Variants in SEMA4G observed in about 807,000 individuals in gnomAD.
The protein encoded by SEMA4G is semaphorin 4G.
In SEMA4G, 59 loss-of-function variants were observed where a neutral mutation model predicts 81.2. The ratio of observed to expected loss-of-function variants is 0.73; its 90% CI spans 0.59 to 0.90. SEMA4G has a LOEUF of 0.90. Ranked by LOEUF, SEMA4G falls within the 40% of genes least tolerant of loss-of-function variation. The pLI, the probability that SEMA4G is intolerant of heterozygous loss-of-function variation, is 0.00. For missense variants in SEMA4G, 952 were observed against 1,102.3 expected (o/e 0.86, Z 1.93); for synonymous variants, 404 against 433.9 (o/e 0.93, Z 0.86).
intron 8 of SEMA4G, 162 bp downstream of exon 9, chr10:100,979,433 A>C: frequency 2.0e-6 from 3 of 1,537,788 alleles, no homozygotes; most frequent in Admixed American, 3.9e-5. Context: ...GCCAGGCTGG[A>C]GTGCAGTGGC....
At chr10:100,979,791 TG>T in intron 8 of SEMA4G, 56 bp from the exon 10 acceptor site, 1 of 1,597,692 alleles carries the variant, frequency 6.3e-7, no homozygotes, top group East Asian at 2.2e-5. Context: ...GAGCACGAGT[TG>T]GGGGGCAGGC....
In SEMA4G at chr10:100,980,006, C is replaced by T. The variant is rs770589865; in HGVS notation, c.1128+14C>T. The T allele has an allele frequency of 1.2e-6, 2 of 1,613,892 alleles. No individual in the cohort carries two copies. The highest frequency in any genetic ancestry group is 8.5e-7 in the Non-Finnish European group (1 of 1,179,964). On this transcript the variant is annotated intron_variant, in intron 9 of 13. Coordinates refer to ENST00000370250, the Ensembl canonical transcript of SEMA4G. ...CGGCCTGGCTCGGTGAGTGCCCAGGCCTGGGGCCAGTGCTGAGTAGACAGA... is the reference window on the plus strand; with the variant it reads ...CGGCCTGGCTCGGTGAGTGCCCAGGTCTGGGGCCAGTGCTGAGTAGACAGA...
At chr10:100,969,789 C>A (rs1354572986), upstream of SEMA4G, 2 of 442,046 alleles carry the variant, frequency 4.5e-6, no homozygotes, top group Admixed American at 2.4e-5. Flanking sequence ...TGCAAACCGG[C>A]CACCACGGAG....
Position 100,978,002 on chromosome 10 carries a change from G to A in SEMA4G, c.435+272G>A, listed in dbSNP as rs1564794591. On this transcript the variant is annotated intron_variant, in intron 4 of 13. Transcript: ENST00000370250. ...CATTTAACCCAAAACAAAGGGCCTT[G>A]ATCCCCTGGACAGCATGTGTTCCAC... 3 of 570,576 alleles carry A rather than the reference G, an allele frequency of 5.3e-6. No individual in the cohort carries two copies. In the East Asian group the frequency reaches 8.9e-5, roughly 17 times the overall value. 35.3% of individuals were successfully genotyped at this position (570,576 alleles called of 1,614,324 possible). A position where few individuals can be genotyped will look rare whatever the true frequency, so the allele number is the denominator to read the frequency against.
At chr10:100,972,837 T>C in exon 1 of SEMA4G, 2 of 1,511,442 alleles carry the variant, frequency 1.3e-6, no homozygotes, top group South Asian at 2.6e-5. Context: ...GTGACTGTGC[T>C]TCCCATTCCC....
upstream of SEMA4G, chr10:100,969,942 G>A (rs1850582942): frequency 6.6e-6 from 3 of 452,366 alleles, no homozygotes; most frequent in South Asian, 4.7e-5. Flanking sequence ...CTGACGAAGG[G>A]AGAGGACCGC....
At chr10:100,977,850 T>TG in intron 4 of SEMA4G, 120 bp downstream of exon 5, 1 of 843,220 alleles carries the variant, frequency 1.2e-6, no homozygotes. Flanking sequence ...TTAAGGGGAC[T>TG]TCCATACAGG....
exon 14 of SEMA4G, chr10:100,983,527 G>A: frequency 6.2e-7 from 1 of 1,614,150 alleles, no homozygotes; most frequent in Non-Finnish European, 8.5e-7. Flanking sequence ...GAGGAAAATG[G>A]CCTCCGCACC....
At chr10:100,977,691 A>C in exon 4 of SEMA4G, 1 of 1,614,094 alleles carries the variant, frequency 6.2e-7, no homozygotes, top group Non-Finnish European at 8.5e-7. Context: ...ACCTCTATGC[A>C]TGTGGGACTC....
exon 1 of SEMA4G, chr10:100,972,772 C>A: frequency 2.5e-6 from 2 of 814,758 alleles, no homozygotes; most frequent in East Asian, 5.1e-5. Flanking sequence ...TTCCTTGACT[C>A]CTATGACCTT....
chr10:100,980,470 C>G, intron 10 of SEMA4G, 108 bp from the exon 12 acceptor site: 1 of 1,347,662 alleles, frequency 7.4e-7, no homozygotes, highest in Non-Finnish European at 1.1e-6. Context: ...CTGGCTGAGT[C>G]CTTGTTCTGG....
chr10:100,983,739 C>G (rs1242957860), exon 14 of SEMA4G: 2 of 1,612,992 alleles, frequency 1.2e-6, no homozygotes, highest in Non-Finnish European at 1.7e-6. Context: ...ACGAGGGCGC[C>G]GACGGAAATA....
intron 8 of SEMA4G, 177 bp downstream of exon 9, chr10:100,979,448 T>C: frequency 6.7e-7 from 1 of 1,483,150 alleles, no homozygotes; most frequent in African/African-American, 1.4e-5. Flanking sequence ...AGTGGCGCGA[T>C]CTCGGCTCAC....
exon 10 of SEMA4G, chr10:100,980,157 T>C: frequency 6.2e-7 from 1 of 1,614,202 alleles, no homozygotes; most frequent in Non-Finnish European, 8.5e-7. Context: ...AAGGCTACAA[T>C]TCATCCCAAG....
At position 100,984,373 on chromosome 10, in the gene SEMA4G, G is replaced by C. The variant is rs531413037; in HGVS notation, c.*242G>C. On this transcript the variant is annotated 3_prime_UTR_variant, in exon 14 of 14. Coordinates refer to ENST00000370250, the Ensembl canonical transcript of SEMA4G. ...CTCCTCAGAGGTAGGTGCTCCCTCAGGATCAGGTGCCCTGCAGACCCAGAG... is the reference window on the plus strand; with the variant it reads ...CTCCTCAGAGGTAGGTGCTCCCTCACGATCAGGTGCCCTGCAGACCCAGAG... 6 of 1,447,568 alleles carry C rather than the reference G, an allele frequency of 4.1e-6. No homozygotes were observed. The South Asian group carries it at 8.8e-5, about 21-fold the overall frequency. 89.7% of individuals were successfully genotyped at this position (1,447,568 alleles called of 1,614,324 possible).
At chr10:100,984,419 T>C in exon 14 of SEMA4G, 1 of 1,474,220 alleles carries the variant, frequency 6.8e-7, no homozygotes, top group Non-Finnish European at 9.0e-7. Flanking sequence ...TCCCCTAACC[T>C]AAACACTTAT....
chr10:100,984,710 AC>A, exon 14 of SEMA4G: 1 of 1,535,772 alleles, frequency 6.5e-7, no homozygotes, highest in Non-Finnish European at 8.7e-7. Flanking sequence ...GACTTGGGGT[AC>A]CCTCCCAATT....
Position 100,978,875 on chromosome 10 carries a change from G to A in SEMA4G, c.670G>A (p.Val224Met), listed in dbSNP as rs528948930. ...TGCGGAGTTTGTGTTCTCCGTCCTC[G>A]TGCGGGAGAGCAAGGCCAGTGCAGT... The change falls in exon 7 of 14, where the codon GTG becomes ATG. Residue 224 changes from valine (V) to methionine (M), a missense_variant. By Grantham distance (21) the Val-to-Met change is conservative (BLOSUM62 1). This residue lies in a region of SEMA4G where 436 missense variants were observed against 488.2 expected (regional missense o/e 0.89). Transcript: ENST00000370250. 2.4e-5 allele frequency: 39 copies of A among 1,614,176 alleles called. No homozygotes were observed. Among genetic ancestry groups the A allele is most frequent in the Non-Finnish European group, 2.6e-5 (31 of 1,180,018 alleles).
At chr10:100,978,332 A>T (rs748582901) in exon 5 of SEMA4G, 1 of 1,613,646 alleles carries the variant, frequency 6.2e-7, no homozygotes, top group Non-Finnish European at 8.5e-7. Flanking sequence ...AGCTTCGAGG[A>T]GGGGAAGGAG....
Sources: allele counts gnomAD v4.1 joint callset, GRCh38; gene constraint gnomAD v4.1.1; regional missense constraint gnomAD v4.1.1; transcripts MANE v1.5; gene names NCBI Gene and HGNC (gene_info 2026-07-23, HGNC 2026-07-21).